Variants in TTC8 observed in about 807,000 individuals in gnomAD.
TTC8 encodes tetratricopeptide repeat domain 8.
TTC8 carries 47 observed loss-of-function variants against 72.5 expected under a neutral mutation model. The ratio of observed to expected loss-of-function variants is 0.65; its 90% CI spans 0.51 to 0.83. TTC8 has a LOEUF of 0.83. TTC8 is among the 40% of genes least tolerant of loss of function. The pLI is 0.00. For missense variants in TTC8, 611 were observed against 623.2 expected (o/e 0.98, Z 0.21); for synonymous variants, 199 against 221.4 (o/e 0.90, Z 0.90).
intron 1 of TTC8, among the ~76,000 whole-genome samples, chr14:88,831,526 GC>G (rs2094726013): frequency 6.6e-6 from 1 of 152,166 alleles, no homozygotes; most frequent in Non-Finnish European, 1.5e-5. Flanking sequence ...ACCCTCCTGG[GC>G]TAAGCCCCAA....
intron 1 of TTC8, among the ~76,000 whole-genome samples, chr14:88,829,259 T>A (rs533062647): frequency 2.9e-4 from 44 of 152,344 alleles, no homozygotes; most frequent in African/African-American, 9.6e-4. Flanking sequence ...AGAGAAGCAT[T>A]ATCTTTTTCA....
intron 7 of TTC8, among the ~76,000 whole-genome samples, chr14:88,850,847 C>A (rs1288245264): frequency 6.6e-6 from 1 of 152,134 alleles, no homozygotes; most frequent in African/African-American, 2.4e-5. Context: ...AGAAAGTGTG[C>A]CCAAGGCAAC....
intron 10 of TTC8, among the ~76,000 whole-genome samples, chr14:88,866,409 ACACACG>A (rs1459644324): frequency 2.8e-4 from 43 of 151,636 alleles, no homozygotes; most frequent in African/African-American, 9.9e-4. Flanking sequence ...ACACACACAC[ACACACG>A]CACACACAAA....
chr14:88,845,969 G>A (rs1022778058), intron 7 of TTC8, among the ~76,000 whole-genome samples: 2 of 151,944 alleles, frequency 1.3e-5, no homozygotes, highest in African/African-American at 4.8e-5. Context: ...AAATAATGAC[G>A]TGGGGGAGGA....
chr14:88,845,265 A>T (rs2094800899), intron 7 of TTC8, among the ~76,000 whole-genome samples: 1 of 152,126 alleles, frequency 6.6e-6, no homozygotes, highest in Non-Finnish European at 1.5e-5. Context: ...GACAGGTCAA[A>T]TTTGCCTCCT....
chr14:88,829,286 G>A (rs377694873), intron 1 of TTC8, among the ~76,000 whole-genome samples: 2 of 152,072 alleles, frequency 1.3e-5, no homozygotes, highest in African/African-American at 4.8e-5. Flanking sequence ...TCTTTAAATC[G>A]TGACTGAAAA....
chr14:88,846,316 A>G (rs748172039), intron 7 of TTC8, among the ~76,000 whole-genome samples: 6 of 151,954 alleles, frequency 3.9e-5, no homozygotes, highest in Admixed American at 2.0e-4. Context: ...GACAGGGTGA[A>G]ACTCTGTCTC....
intron 9 of TTC8, among the ~76,000 whole-genome samples, chr14:88,860,325 C>A (rs1456184668): frequency 6.6e-6 from 1 of 152,084 alleles, no homozygotes; most frequent in Non-Finnish European, 1.5e-5. Flanking sequence ...GTGTCATAAT[C>A]TTATGTTGCC....
chr14:88,825,237 A>G (rs1466499361), intron 1 of TTC8, among the ~76,000 whole-genome samples: 2 of 152,250 alleles, frequency 1.3e-5, no homozygotes, highest in Admixed American at 1.3e-4. Context: ...CTGTTAACAT[A>G]GCTGCCTTCT....
intron 2 of TTC8, among the ~76,000 whole-genome samples, chr14:88,835,982 T>C (rs922407515): frequency 2.0e-5 from 3 of 152,312 alleles, no homozygotes; most frequent in African/African-American, 7.2e-5. Flanking sequence ...ATTTTCAAGG[T>C]CATTTTTGTT....
intron 10 of TTC8, among the ~76,000 whole-genome samples, chr14:88,863,925 A>C (rs2094899013): frequency 6.6e-6 from 1 of 152,164 alleles, no homozygotes; most frequent in Non-Finnish European, 1.5e-5. Context: ...GCAAATACAG[A>C]TGGTTTCATC....
intron 9 of TTC8, 70 bp downstream of exon 9, chr14:88,857,347 G>C (rs897424784): frequency 7.6e-7 from 1 of 1,312,358 alleles, no homozygotes; most frequent in Admixed American, 1.7e-5. Flanking sequence ...CCATTGCATG[G>C]GGAGAGTAAA....
intron 10 of TTC8, among the ~76,000 whole-genome samples, chr14:88,867,821 C>T (rs186797371): frequency 5.6e-4 from 85 of 152,314 alleles, no homozygotes; most frequent in African/African-American, 1.9e-3. Context: ...GCCTTCTTTG[C>T]ATTGGGCGTT....
At chr14:88,873,150 C>T (rs763073106) in intron 13 of TTC8, among the ~76,000 whole-genome samples, 16 of 152,192 alleles carry the variant, frequency 1.1e-4, no homozygotes, top group Non-Finnish European at 1.5e-4. Context: ...TGAGGCCCCA[C>T]GTGACCTGCC....
rs370271389 is a variant in TTC8 at position 88,843,048 on chromosome 14, T to C, written c.580-758T>C. 3.3e-5 allele frequency among the ~76,000 whole-genome samples: 5 copies of C among 152,350 alleles called. 1 individual carries two copies. The highest frequency in any genetic ancestry group is 9.6e-5 in the African/African-American group (4 of 41,582). ...GTAACCTTGATATTTTCCAGGGCTG[T>C]TAGCCTCTTTGCAAGTGTAACAAGA... On this transcript the variant is annotated intron_variant, in intron 6 of 14. Coordinates refer to ENST00000380656, the MANE Select transcript of TTC8 (RefSeq NM_144596.4).
intron 10 of TTC8, among the ~76,000 whole-genome samples, chr14:88,868,355 A>T (rs183156377): frequency 6.6e-6 from 1 of 152,232 alleles, no homozygotes; most frequent in Non-Finnish European, 1.5e-5. Flanking sequence ...TAACTTACAT[A>T]AACAAAACTT....
rs757429317 is a variant in TTC8 at position 88,839,521 on chromosome 14, G to T, written c.214G>T (p.Glu72Ter). ...VYIDEIDVDQ[E>*]GIAEMMLDEN... The stretch of plus-strand genomic sequence containing the variant: ...CATAGATGAAATTGATGTAGATCAG[G>T]AAGGAATTGCAGAAATGATGCTGGA... Residue 72 changes from glutamate to a stop codon, truncating the protein, a stop_gained, in exon 3 of 15, where the codon GAA (glutamate) becomes TAA (stop). Coordinates refer to ENST00000380656, the MANE Select transcript of TTC8 (RefSeq NM_144596.4). LOFTEE classifies it high-confidence loss of function. 1 of 1,613,324 alleles carries T rather than the reference G, an allele frequency of 6.2e-7. No homozygotes were observed. Among genetic ancestry groups the T allele is most frequent in the African/African-American group, 1.3e-5 (1 of 74,992 alleles).
chr14:88,844,692 G>A (rs982065174), intron 7 of TTC8, among the ~76,000 whole-genome samples: 1 of 151,568 alleles, frequency 6.6e-6, no homozygotes, highest in African/African-American at 2.4e-5. Flanking sequence ...CTATAGGCGT[G>A]TGCCACCATG....
At chr14:88,865,845 T>C (rs1181419255) in intron 10 of TTC8, among the ~76,000 whole-genome samples, 4 of 152,092 alleles carry the variant, frequency 2.6e-5, no homozygotes. Context: ...TAATAAAATC[T>C]ATTCTAGAAC....
Sources: allele counts gnomAD v4.1 joint callset (sites outside exome capture counted in the v4.1 genomes callset), GRCh38; gene constraint gnomAD v4.1.1; transcripts MANE v1.5; gene names NCBI Gene and HGNC (gene_info 2026-07-23, HGNC 2026-07-21).